TRIP10: variants seen among roughly 807,000 people sequenced by gnomAD.
The protein encoded by TRIP10 is cdc42-interacting protein 4.
A neutral mutation model predicts 80.9 loss-of-function variants in TRIP10; 54 were observed. The observed-to-expected ratio is 0.67, with a 90% CI of 0.54 to 0.84. TRIP10 has a LOEUF of 0.84. Among genes scored for constraint, TRIP10 ranks in the 40% least tolerant of loss-of-function variants. The pLI, the probability that TRIP10 is intolerant of heterozygous loss-of-function variation, is 0.00. For missense variants in TRIP10, 773 were observed against 815.3 expected, an observed-to-expected ratio of 0.95 and a Z score of 0.63; for synonymous variants, 321 against 307.2, an observed-to-expected ratio of 1.04 and a Z score of -0.47.
chr19:6,747,572 C>T (rs893387817), intron 11 of TRIP10, among the ~76,000 whole-genome samples: 3 of 151,812 alleles, frequency 2.0e-5, no homozygotes, highest in Non-Finnish European at 4.4e-5. Context: ...GAGGGCAGAT[C>T]ACGTGAGGTC....
At chr19:6,742,396 A>G (rs1968943181) in intron 3 of TRIP10, among the ~76,000 whole-genome samples, 1 of 152,108 alleles carries the variant, frequency 6.6e-6, no homozygotes, top group Non-Finnish European at 1.5e-5. Flanking sequence ...TCTCCAAAAC[A>G]AATAGATACG....
chr19:6,744,922 G>A lies in TRIP10; in HGVS notation c.912G>A (p.Ser304=), dbSNP rs764209124. 9.9e-6 allele frequency: 16 copies of A among 1,614,042 alleles called. 1 individual carries two copies. The South Asian group carries it at 1.1e-4, about 11-fold the overall frequency. Residue 304 remains serine, a synonymous_variant, in exon 9 of 15, where the codon TCG becomes TCA. Transcript: ENST00000313244. The surrounding 1 kb of genome is among the most constrained non-coding windows in gnomAD (Gnocchi z 4.9). The part of the protein sequence containing the change: ...APSDSSLGTP[S]DGRPELRGPG... Reference sequence around the variant, plus strand: ...CCGACAGCAGTCTGGGCACCCCCTCGGATGGACGGCCTGAACTCCGAGGCC... The same window carrying A: ...CCGACAGCAGTCTGGGCACCCCCTCAGATGGACGGCCTGAACTCCGAGGCC...
At chr19:6,749,333 T>C (rs1969216551) in intron 11 of TRIP10, among the ~76,000 whole-genome samples, 1 of 152,200 alleles carries the variant, frequency 6.6e-6, no homozygotes, top group Non-Finnish European at 1.5e-5. Flanking sequence ...TTACTAGGTA[T>C]CAGGCATTGT....
At position 6,745,216 on chromosome 19, in the gene TRIP10, G is replaced by A. The variant is rs977430933; in HGVS notation, c.984+222G>A. On this transcript the variant is annotated intron_variant, in intron 9 of 14. Transcript: ENST00000313244. The surrounding 1 kb of genome is among the most constrained non-coding windows in gnomAD (Gnocchi z 7.2). Reference sequence around the variant, plus strand: ...GTGGGGAGGTGGGGAGGTCCGTGGCGTTTGTCTGCTGCTTCTCGGGATGCT... The same window carrying A: ...GTGGGGAGGTGGGGAGGTCCGTGGCATTTGTCTGCTGCTTCTCGGGATGCT... The A allele has an allele frequency of 2.5e-5, 15 of 608,944 alleles. No individual in the cohort carries two copies. Among genetic ancestry groups the A allele is most frequent in the Admixed American group, 3.3e-5 (1 of 30,072 alleles). The allele number at this position is 608,944 out of a possible 1,614,324, so 37.7% of individuals were successfully genotyped here.
intron 12 of TRIP10, 97 bp from the exon 13 acceptor site, chr19:6,750,195 T>C (rs1969241544): frequency 6.3e-7 from 1 of 1,580,138 alleles, no homozygotes. Context: ...CATCACAGCC[T>C]TGGCTGTGCG....
At position 6,751,133 on chromosome 19, in the gene TRIP10, C is replaced by T. The variant is rs10426974; in HGVS notation, c.1728C>T (p.Asp576=). 2,095 of 1,612,452 alleles carry T rather than the reference C, an allele frequency of 1.3e-3. 17 individuals are homozygous for T. In the African/African-American group the frequency reaches 0.024, roughly 19 times the overall value. The change falls in exon 15 of 15, where the codon GAC becomes GAT. Residue 576 remains aspartate (D), a synonymous_variant. Transcript: ENST00000313244. ...DLSLMEEDKG[D]GWTRVRRKEG... Reference sequence around the variant, plus strand: ...GTCTTATGGAAGAAGACAAAGGGGACGGCTGGACCCGGGTCAGGCGGAAAG... The same window carrying T: ...GTCTTATGGAAGAAGACAAAGGGGATGGCTGGACCCGGGTCAGGCGGAAAG...
chr19:6,740,160 G>T (rs1968866612), intron 1 of TRIP10, among the ~76,000 whole-genome samples: 1 of 152,182 alleles, frequency 6.6e-6, no homozygotes, highest in South Asian at 2.1e-4. Flanking sequence ...TAGGAGGGGG[G>T]AGGGGACCCT....
chr19:6,742,507 TC>T (rs777460213), intron 3 of TRIP10, among the ~76,000 whole-genome samples: 60 of 152,074 alleles, frequency 3.9e-4, no homozygotes, highest in Non-Finnish European at 7.1e-4. Flanking sequence ...AATTCTGTGT[TC>T]CAATATACAT....
intron 12 of TRIP10, 45 bp downstream of exon 12, chr19:6,750,111 T>C: frequency 7.1e-7 from 1 of 1,408,484 alleles, no homozygotes; most frequent in Non-Finnish European, 9.3e-7. Context: ...CGGGCCTGGC[T>C]GAGTCACTGC....
chr19:6,740,822 G>T, intron 1 of TRIP10, 188 bp from the exon 2 acceptor site: 1 of 578,294 alleles, frequency 1.7e-6, no homozygotes, highest in Non-Finnish European at 3.1e-6. Flanking sequence ...GGCCCTTCCC[G>T]GGAAGGGGAG....
chr19:6,750,481 T>C, intron 13 of TRIP10, 31 bp from the exon 14 acceptor site: 2 of 1,613,846 alleles, frequency 1.2e-6, no homozygotes, highest in South Asian at 1.1e-5. Flanking sequence ...CAGGAGGGCC[T>C]GTCTTTATCT....
chr19:6,750,993 CAAAAATA>C (rs1363481752), intron 14 of TRIP10, 63 bp from the exon 15 acceptor site: 4 of 1,450,000 alleles, frequency 2.8e-6, no homozygotes, highest in African/African-American at 1.5e-5. Flanking sequence ...GGCTCTGTCT[CAAAAATA>C]AAAAATAAAA....
In TRIP10 at chr19:6,744,942, G is replaced by A. The variant is rs148404026; in HGVS notation, c.932G>A (p.Arg311Gln). 3.6e-5 allele frequency: 58 copies of A among 1,613,950 alleles called. No individual in the cohort carries two copies. The South Asian group carries it at 4.0e-4, about 11-fold the overall frequency. Residue 311 changes from arginine to glutamine, a missense_variant, in exon 9 of 15, where the codon CGA becomes CAA. By Grantham distance (43) the Arg-to-Gln change is conservative (BLOSUM62 1). Transcript: ENST00000313244. This position sits in a 1 kb window ranked among gnomAD's most constrained non-coding sequence, Gnocchi z 4.9. Reference protein sequence around the residue: ...GTPSDGRPELRGPGRSRTKRW... With the variant: ...GTPSDGRPELQGPGRSRTKRW... ...CCCTCGGATGGACGGCCTGAACTCC[G>A]AGGCCCGGGTCGCAGCCGCACCAAG...
At position 6,746,156 on chromosome 19, in the gene TRIP10, C is replaced by A; in HGVS notation, c.1112C>A (p.Pro371Gln). The A allele has an allele frequency of 6.5e-7, 1 of 1,546,870 alleles. No individual in the cohort carries two copies. Among genetic ancestry groups the A allele is most frequent in the Non-Finnish European group, 8.7e-7 (1 of 1,145,160 alleles). Reference sequence around the variant, plus strand: ...AGCGAGATCAGTAAGTCGGTCAAACCGAGGCTAGCATCCTTCCGCAGCCTT... The same window carrying A: ...AGCGAGATCAGTAAGTCGGTCAAACAGAGGCTAGCATCCTTCCGCAGCCTT... The part of the protein sequence containing the change: ...ILSEISKSVK[P>Q]RLASFRSLRG... Residue 371 changes from proline to glutamine, a missense_variant, in exon 10 of 15, where the codon CCG (proline) becomes CAG (glutamine). Physicochemically the swap from Pro to Gln is moderately conservative, Grantham distance 76. Transcript: ENST00000313244. The surrounding 1 kb of genome is among the most constrained non-coding windows in gnomAD (Gnocchi z 6.2).
rs753495878 is a variant in TRIP10 at position 6,750,626 on chromosome 19, C to T, written c.1650C>T (p.His550=). 6.2e-7 allele frequency: 1 copy of T among 1,614,102 alleles called. No individual in the cohort carries two copies. Among genetic ancestry groups the T allele is most frequent in the Non-Finnish European group, 8.5e-7 (1 of 1,179,948 alleles). The change falls in exon 14 of 15, where the codon CAC becomes CAT. Residue 550 remains histidine, a synonymous_variant. Transcript: ENST00000313244. ...SPIGHCVAIY[H]FEGSSEGTIS... ...TAGGTCACTGTGTGGCCATCTACCACTTTGAAGGTGAGAACGGCCAGAGTG... is the reference window on the plus strand; with the variant it reads ...TAGGTCACTGTGTGGCCATCTACCATTTTGAAGGTGAGAACGGCCAGAGTG...
Position 6,744,908 on chromosome 19 carries a change from C to A in TRIP10, c.898C>A (p.Leu300Met). The A allele has an allele frequency of 6.2e-7, 1 of 1,614,208 alleles. No individual in the cohort carries two copies. The change falls in exon 9 of 15, where the codon CTG (leucine) becomes ATG (methionine). Residue 300 changes from leucine (L) to methionine (M), a missense_variant. Coordinates refer to ENST00000313244, the MANE Select transcript of TRIP10 (RefSeq NM_001288962.2). The surrounding 1 kb of genome is among the most constrained non-coding windows in gnomAD (Gnocchi z 4.9). ...GAACCGTGCACCCTCCGACAGCAGTCTGGGCACCCCCTCGGATGGACGGCC... is the reference window on the plus strand; with the variant it reads ...GAACCGTGCACCCTCCGACAGCAGTATGGGCACCCCCTCGGATGGACGGCC... ...PMNRAPSDSS[L>M]GTPSDGRPEL...
At chr19:6,747,361 A>G (rs143939988) in intron 11 of TRIP10, among the ~76,000 whole-genome samples, 142 of 152,272 alleles carry the variant, frequency 9.3e-4, no homozygotes, top group African/African-American at 3.2e-3. Context: ...CTTGTCTTAT[A>G]CAAGTCATTC....
At chr19:6,741,973 A>G (rs1772154816) in intron 3 of TRIP10, among the ~76,000 whole-genome samples, 1 of 151,860 alleles carries the variant, frequency 6.6e-6, no homozygotes, top group African/African-American at 2.4e-5. Flanking sequence ...ACCTGCCACC[A>G]TGCCCAGCTA....
In TRIP10 at chr19:6,745,546, C is replaced by T. The variant is rs939774633; in HGVS notation, c.985-483C>T. 8.1e-6 allele frequency: 8 copies of T among 984,976 alleles called. No individual in the cohort carries two copies. Among genetic ancestry groups the T allele is most frequent in the African/African-American group, 1.7e-5 (1 of 57,182 alleles). The allele number at this position is 984,976 out of a possible 1,614,324, so 61.0% of individuals were successfully genotyped here. A position where few individuals can be genotyped will look rare whatever the true frequency, so the allele number is the denominator to read the frequency against. On this transcript the variant is annotated intron_variant, in intron 9 of 14. Coordinates refer to ENST00000313244, the MANE Select transcript of TRIP10 (RefSeq NM_001288962.2). This position sits in a 1 kb window ranked among gnomAD's most constrained non-coding sequence, Gnocchi z 7.2. Reference sequence around the variant, plus strand: ...CATTTTCCTGCCTTCCACTCCCTCTCGGCTTGTGGTTTTATTTTTGTTTAT... The same window carrying T: ...CATTTTCCTGCCTTCCACTCCCTCTTGGCTTGTGGTTTTATTTTTGTTTAT...
Sources: gnomAD v4.1 joint callset for allele counts (sites outside exome capture counted in the v4.1 genomes callset) on GRCh38, gnomAD v4.1.1 for gene constraint, Gnocchi (gnomAD v3.1) non-coding constraint, MANE v1.5 for transcripts, NCBI Gene and HGNC (gene_info 2026-07-23, HGNC 2026-07-21) for gene names.